The following MED12L variants were observed in gnomAD, a reference collection of about 807,000 sequenced individuals.
MED12L encodes the protein mediator complex subunit 12L.
Under a neutral mutation model 281.3 loss-of-function variants are expected in MED12L, and 60 were observed. The observed-to-expected ratio is 0.21, with a 90% CI of 0.17 to 0.26. The LOEUF (loss-of-function observed/expected upper bound fraction) is 0.26. MED12L is among the 10% of genes least tolerant of loss of function. MED12L has a pLI of 1.00. For synonymous variants in MED12L, 974 were observed against 987.2 expected (o/e 0.99, Z 0.25); for missense variants, 2,146 against 2,680.9 (o/e 0.80, Z 4.41).
chr3:151,094,181 A>G (rs532834745), intron 2 of MED12L, among the ~76,000 whole-genome samples: 1 of 152,326 alleles, frequency 6.6e-6, no homozygotes, highest in Admixed American at 6.5e-5. Flanking sequence ...AGAAAAGCAG[A>G]AGTAGAAGCA....
chr3:151,417,486 C>CCT (rs1717734976), intron 43 of MED12L, among the ~76,000 whole-genome samples: 1 of 56,156 alleles, frequency 1.8e-5, no homozygotes, highest in African/African-American at 5.9e-5. Context: ...TCCCCCCCCG[C>CCT]CTTTTTTTTT....
chr3:151,213,245 G>T, intron 16 of MED12L: 1 of 1,308,646 alleles, frequency 7.6e-7, no homozygotes, highest in Non-Finnish European at 1.1e-6. Context: ...TTTCTGTTAT[G>T]TAATTGAAGA....
chr3:151,392,293 G>A (rs947780006), intron 38 of MED12L, among the ~76,000 whole-genome samples: 24 of 151,596 alleles, frequency 1.6e-4, no homozygotes, highest in Middle Eastern at 3.4e-3. Context: ...GTGAAACCCC[G>A]TATCTACTAA....
At chr3:151,294,803 C>T (rs776252293) in intron 16 of MED12L, 1 of 1,613,986 alleles carries the variant, frequency 6.2e-7, no homozygotes, top group East Asian at 2.2e-5. Flanking sequence ...CCGAGAGTCC[C>T]CAAATGGCTT....
At chr3:151,358,489 A>G (rs867140482) in intron 20 of MED12L, among the ~76,000 whole-genome samples, 7 of 152,148 alleles carry the variant, frequency 4.6e-5, no homozygotes, top group African/African-American at 1.7e-4. Flanking sequence ...TGTTTAATCT[A>G]TGTTCTACTT....
intron 12 of MED12L, chr3:151,188,132 C>T (rs1257908126): frequency 3.1e-6 from 1 of 320,636 alleles, no homozygotes. Flanking sequence ...CGCGCCCGAT[C>T]TCGTCTGATC....
At chr3:151,167,963 C>G (rs1720931099) in intron 11 of MED12L, among the ~76,000 whole-genome samples, 1 of 152,074 alleles carries the variant, frequency 6.6e-6, no homozygotes, top group Admixed American at 6.5e-5. Flanking sequence ...GAGGGTTTTA[C>G]CAAGATTATC....
At chr3:151,392,760 T>C (rs1446337452) in intron 38 of MED12L, among the ~76,000 whole-genome samples, 4 of 152,066 alleles carry the variant, frequency 2.6e-5, no homozygotes, top group African/African-American at 7.2e-5. Context: ...AGATTCAGAG[T>C]AGCATTTGGT....
At chr3:151,378,704 G>A (rs757814585) in intron 31 of MED12L, among the ~76,000 whole-genome samples, 6 of 151,946 alleles carry the variant, frequency 3.9e-5, no homozygotes, top group Non-Finnish European at 5.9e-5. Context: ...TTTGAAAACC[G>A]TGTTACTGAG....
intron 16 of MED12L, among the ~76,000 whole-genome samples, chr3:151,286,884 C>G (rs1743583748): frequency 6.6e-6 from 1 of 152,156 alleles, no homozygotes; most frequent in Non-Finnish European, 1.5e-5. Flanking sequence ...GATTGATTGG[C>G]TTAAACTAAT....
At chr3:151,233,355 C>T (rs952535915) in intron 16 of MED12L, among the ~76,000 whole-genome samples, 6 of 152,190 alleles carry the variant, frequency 3.9e-5, no homozygotes, top group Admixed American at 1.3e-4. Flanking sequence ...GTGTTAATTG[C>T]TTTTAAATAT....
chr3:151,337,825 G>T, intron 16 of MED12L: 1 of 1,613,740 alleles, frequency 6.2e-7, no homozygotes, highest in Non-Finnish European at 8.5e-7. Context: ...GTTTACATTG[G>T]AGTCTCTTCA....
intron 21 of MED12L, among the ~76,000 whole-genome samples, chr3:151,363,550 CAAG>C (rs1754888970): frequency 6.6e-6 from 1 of 152,150 alleles, no homozygotes; most frequent in African/African-American, 2.4e-5. Context: ...ACATCAACCT[CAAG>C]AAACTGAAAA....
chr3:151,338,285 A>G lies in MED12L; in HGVS notation c.2251-11774A>G, dbSNP rs923308300. ...CTTGACAGATGTAATTTACTATTTC[A>G]TGCCAGACTAGACCGAACTCTGATT... On this transcript the variant is annotated intron_variant, in intron 16 of 44. Transcript: ENST00000687756. 3 of 1,614,010 alleles carry G rather than the reference A, an allele frequency of 1.9e-6. No homozygotes were observed. Among genetic ancestry groups the G allele is most frequent in the Non-Finnish European group, 2.5e-6 (3 of 1,179,982 alleles).
At chr3:151,367,873 G>A (rs758489864) in intron 24 of MED12L, 107 bp downstream of exon 24, 2 of 1,288,958 alleles carry the variant, frequency 1.6e-6, no homozygotes, top group Non-Finnish European at 1.1e-6. Context: ...ATGTATATTG[G>A]GAAGTGGTGT....
Position 151,380,093 on chromosome 3 carries a change from T to C in MED12L, c.4479-20T>C. The C allele has an allele frequency of 7.0e-7, 1 of 1,436,030 alleles. No homozygotes were observed. The highest frequency in any genetic ancestry group is 9.6e-7 in the Non-Finnish European group (1 of 1,040,520). The allele number at this position is 1,436,030 out of a possible 1,614,324, so 89.0% of individuals were successfully genotyped here. On this transcript the variant is annotated intron_variant, in intron 31 of 44. Transcript: ENST00000687756. ...CATTATTTCTAACTAGATCTGTTGTTATTATTACTTCCTTTGTAGTATGTC... is the reference window on the plus strand; with the variant it reads ...CATTATTTCTAACTAGATCTGTTGTCATTATTACTTCCTTTGTAGTATGTC...
chr3:151,166,934 A>G (rs1211563027), intron 11 of MED12L, among the ~76,000 whole-genome samples: 2 of 152,088 alleles, frequency 1.3e-5, no homozygotes, highest in Non-Finnish European at 2.9e-5. Context: ...TCAGCCTCCC[A>G]AAGTGCTGGG....
At chr3:151,290,437 T>A (rs1744092036) in intron 16 of MED12L, among the ~76,000 whole-genome samples, 2 of 152,196 alleles carry the variant, frequency 1.3e-5, no homozygotes, top group Admixed American at 1.3e-4. Flanking sequence ...AAAGTGAATC[T>A]TAGGAGTTTC....
At chr3:151,214,252 T>C in intron 16 of MED12L, 1 of 1,614,064 alleles carries the variant, frequency 6.2e-7, no homozygotes, top group South Asian at 1.1e-5. Context: ...AATGATCTGC[T>C]GAGTGATCAG....
Sources: allele counts gnomAD v4.1 joint callset (sites outside exome capture counted in the v4.1 genomes callset), GRCh38; gene constraint gnomAD v4.1.1; transcripts MANE v1.5; gene names NCBI Gene and HGNC (gene_info 2026-07-23, HGNC 2026-07-21).